Variants in POMT1 observed in about 807,000 individuals in gnomAD.
POMT1 encodes protein O-mannosyltransferase 1, also known as protein O-mannosyl-transferase 1.
Under a neutral mutation model 101.6 loss-of-function variants are expected in POMT1, and 85 were observed. That is an observed-to-expected ratio of 0.84 (90% CI 0.70 to 1.00). POMT1 has a LOEUF of 1.00. Among genes scored for constraint, POMT1 ranks in the 50% least tolerant of loss-of-function variants. POMT1 has a pLI of 0.00. For synonymous variants in POMT1, 371 were observed against 383.0 expected, an observed-to-expected ratio of 0.97 and a Z score of 0.37; for missense variants, 857 against 930.4, an observed-to-expected ratio of 0.92 and a Z score of 1.03.
chr9:131,523,587 T>G lies in POMT1; in HGVS notation c.*481T>G. 1 of 220,232 alleles carries G rather than the reference T, an allele frequency of 4.5e-6. No individual in the cohort carries two copies. The highest frequency in any genetic ancestry group is 2.3e-5 in the African/African-American group (1 of 44,278). The allele number at this position is 220,232 out of a possible 1,614,324, so 13.6% of individuals were successfully genotyped here. On this transcript the variant is annotated 3_prime_UTR_variant, in exon 20 of 20. Transcript: ENST00000402686. ...GACAGCTCAGTGTTGGAGGGCCACC[T>G]GAACCACGAGCCAGGGCTGGGGCTT...
chr9:131,518,204 C>A (rs527379857), intron 13 of POMT1: 5 of 591,444 alleles, frequency 8.5e-6, no homozygotes, highest in Non-Finnish European at 1.6e-5. Flanking sequence ...TGTGAGGAGG[C>A]CTCTTGTACG....
chr9:131,518,744 C>A, intron 14 of POMT1, 93 bp from the exon 15 acceptor site: 1 of 1,595,426 alleles, frequency 6.3e-7, no homozygotes. Flanking sequence ...CTGCTGACAG[C>A]GTGACCCGGG....
chr9:131,516,344 G>A (rs567131311), intron 13 of POMT1, among the ~76,000 whole-genome samples: 155 of 146,004 alleles, frequency 1.1e-3, no homozygotes, highest in African/African-American at 3.8e-3. Context: ...CTCCTCACAC[G>A]GAGCACTTCC....
intron 17 of POMT1, among the ~76,000 whole-genome samples, chr9:131,520,827 C>CTGTGTG (rs138260753): frequency 6.6e-6 from 1 of 151,350 alleles, no homozygotes; most frequent in Non-Finnish European, 1.5e-5. Context: ...AGCATCAGTG[C>CTGTGTG]TGTGTGTGTG....
intron 2 of POMT1, among the ~76,000 whole-genome samples, chr9:131,505,268 A>G (rs1276021265): frequency 6.7e-6 from 1 of 149,042 alleles, no homozygotes; most frequent in Non-Finnish European, 1.5e-5. Context: ...TTCATAGATA[A>G]TTCAGCGGTA....
Position 131,522,008 on chromosome 9 carries a change from G to A in POMT1, c.1826-39G>A, listed in dbSNP as rs1480359389. ...AAGAGAGAGAAGACCCGGCCTGTGG[G>A]AGCAGCAGAGTCGGTGTAGCTCGAG... On this transcript the variant is annotated intron_variant, in intron 18 of 19. Transcript: ENST00000402686. The surrounding 1 kb of genome is among the most constrained non-coding windows in gnomAD (Gnocchi z 5.5). 1 of 1,612,808 alleles carries A rather than the reference G, an allele frequency of 6.2e-7. No individual in the cohort carries two copies. Among genetic ancestry groups the A allele is most frequent in the Non-Finnish European group, 8.5e-7 (1 of 1,179,938 alleles).
intron 14 of POMT1, 92 bp downstream of exon 14, chr9:131,518,629 G>T: frequency 7.0e-7 from 1 of 1,422,256 alleles, no homozygotes; most frequent in South Asian, 1.2e-5. Context: ...CTCTGCAGGC[G>T]GAACGCTTCA....
At chr9:131,510,216 T>C (rs757205650) in intron 8 of POMT1, 44 bp from the exon 9 acceptor site, 6 of 1,613,630 alleles carry the variant, frequency 3.7e-6, no homozygotes, top group Non-Finnish European at 5.1e-6. Context: ...GTGGGTACGC[T>C]TTTCCACGCA....
chr9:131,507,057 A>C (rs961813260), intron 4 of POMT1, among the ~76,000 whole-genome samples: 4 of 150,578 alleles, frequency 2.7e-5, no homozygotes, highest in Non-Finnish European at 4.4e-5. Context: ...ACAGAGCAAG[A>C]CTCCGTCTCA....
In POMT1 at chr9:131,523,594, C is replaced by T. The variant is rs1048413427; in HGVS notation, c.*488C>T. 6 of 216,516 alleles carry T rather than the reference C, an allele frequency of 2.8e-5. No individual in the cohort carries two copies. Among genetic ancestry groups the T allele is most frequent in the African/African-American group, 9.1e-5 (4 of 44,088 alleles). The allele number at this position is 216,516 out of a possible 1,614,324, so 13.4% of individuals were successfully genotyped here. On this transcript the variant is annotated 3_prime_UTR_variant, in exon 20 of 20. Transcript: ENST00000402686. ...CAGTGTTGGAGGGCCACCTGAACCA[C>T]GAGCCAGGGCTGGGGCTTGCATGTC...
chr9:131,510,309 TC>T lies in POMT1; in HGVS notation c.752del (p.Pro251ArgfsTer13). The T allele has an allele frequency of 6.2e-7, 1 of 1,614,232 alleles. No individual in the cohort carries two copies. Among genetic ancestry groups the T allele is most frequent in the African/African-American group, 1.3e-5 (1 of 75,054 alleles). On this transcript the variant is annotated frameshift_variant, in exon 9 of 20. Coordinates refer to ENST00000402686, the MANE Select transcript of POMT1 (RefSeq NM_001077365.2). LOFTEE classifies it high-confidence loss of function. ...GCCCGAGCAGTGGCTTTGCTGGTCA[TC>T]CCGGTCGTCCTGTACTTACTGTTCT... is the stretch of plus-strand genomic sequence containing the variant. ...LLARAVALLVIPVVLYLLFFY... is the reference protein window; with the variant it reads ...LLARAVALLVXPVVLYLLFFY...
At chr9:131,507,215 T>C in intron 4 of POMT1, 153 bp from the exon 5 acceptor site, 1 of 1,077,418 alleles carries the variant, frequency 9.3e-7, no homozygotes, top group Non-Finnish European at 1.4e-6. Context: ...TCACCCATAG[T>C]TTATGCACTC....
At chr9:131,518,289 A>C (rs761795834) in intron 13 of POMT1, 156 bp from the exon 14 acceptor site, 29 of 792,036 alleles carry the variant, frequency 3.7e-5, no homozygotes, top group African/African-American at 3.0e-4. Flanking sequence ...ATTGGGAAGG[A>C]AGGCCAGTAC....
Position 131,522,255 on chromosome 9 carries a change from C to T in POMT1, c.2003+31C>T, listed in dbSNP as rs137952862. 644 of 1,610,278 alleles carry T rather than the reference C, an allele frequency of 4.0e-4. No individual in the cohort carries two copies. Among genetic ancestry groups the T allele is most frequent in the Non-Finnish European group, 4.8e-4 (569 of 1,179,936 alleles). On this transcript the variant is annotated intron_variant, in intron 19 of 19. Coordinates refer to ENST00000402686, the MANE Select transcript of POMT1 (RefSeq NM_001077365.2). The surrounding 1 kb of genome is among the most constrained non-coding windows in gnomAD (Gnocchi z 5.5). ...GGGGCTGCGGAGACAGTGGCTGGACCGGGCAGCAGCCCTCTGCTGGGAAGC... is the reference window on the plus strand; with the variant it reads ...GGGGCTGCGGAGACAGTGGCTGGACTGGGCAGCAGCCCTCTGCTGGGAAGC...
chr9:131,509,450 G>A (rs1357635082), intron 6 of POMT1, among the ~76,000 whole-genome samples: 1 of 152,118 alleles, frequency 6.6e-6, no homozygotes, highest in South Asian at 2.1e-4. Context: ...TGCGCCTAGT[G>A]CTAGATATCT....
chr9:131,522,107 ACCTC>A lies in POMT1; in HGVS notation c.1889_1892del (p.Leu630ArgfsTer4). ...TGTGCCGGTGGCTGGGCAGTGAACT[ACCTC>A]CCGTTCTTCCTGATGGAGAAGACAC... On this transcript the variant is annotated frameshift_variant, in exon 19 of 20. Transcript: ENST00000402686. LOFTEE classifies it high-confidence loss of function. This position sits in a 1 kb window ranked among gnomAD's most constrained non-coding sequence, Gnocchi z 5.5. The A allele has an allele frequency of 6.2e-7, 1 of 1,613,750 alleles. No individual in the cohort carries two copies.
intron 3 of POMT1, 58 bp from the exon 4 acceptor site, chr9:131,506,345 A>G: frequency 6.4e-7 from 1 of 1,573,024 alleles, no homozygotes; most frequent in Non-Finnish European, 8.8e-7. Context: ...ATTGCTTGCC[A>G]CAGTACTCTA....
At position 131,519,841 on chromosome 9, in the gene POMT1, C is replaced by T. The variant is rs573784995; in HGVS notation, c.1585-239C>T. ...GAACGTGACCTTAGAGAGCATTCAG[C>T]CCAATCACTTCGTCTACAGAGGAGG... is the stretch of plus-strand genomic sequence containing the variant. On this transcript the variant is annotated intron_variant, in intron 16 of 19. Coordinates refer to ENST00000402686, the MANE Select transcript of POMT1 (RefSeq NM_001077365.2). This position sits in a 1 kb window ranked among gnomAD's most constrained non-coding sequence, Gnocchi z 4.3. Among the ~76,000 whole-genome samples the T allele has an allele frequency of 6.6e-6, 1 of 152,300 alleles. No homozygotes were observed. Among genetic ancestry groups the T allele is most frequent in the East Asian group, 1.9e-4 (1 of 5,176 alleles).
intron 17 of POMT1, chr9:131,520,983 A>C: frequency 2.9e-6 from 1 of 346,580 alleles, no homozygotes; most frequent in Non-Finnish European, 5.7e-6. Context: ...CTGGTATTAC[A>C]GGTGCCCACC....
Sources: gnomAD v4.1 joint callset for allele counts (sites outside exome capture counted in the v4.1 genomes callset) on GRCh38, gnomAD v4.1.1 for gene constraint, Gnocchi (gnomAD v3.1) non-coding constraint, MANE v1.5 for transcripts, NCBI Gene and HGNC (gene_info 2026-07-23, HGNC 2026-07-21) for gene names.